C10orf90: variants seen among roughly 807,000 people sequenced by gnomAD.
C10orf90 encodes chromosome 10 open reading frame 90, also known as (E2-independent) E3 ubiquitin-conjugating enzyme FATS.
A neutral mutation model predicts 62.5 loss-of-function variants in C10orf90; 56 were observed. The observed-to-expected ratio is 0.90, with a 90% CI of 0.72 to 1.12. C10orf90 has a LOEUF of 1.12. Among genes scored for constraint, C10orf90 ranks in the 50% most tolerant of loss-of-function variants. The pLI, the probability that C10orf90 is intolerant of heterozygous loss-of-function variation, is 0.00. For missense variants in C10orf90, 970 were observed against 880.4 expected, an observed-to-expected ratio of 1.10 and a Z score of -1.29; for synonymous variants, 386 against 340.4, an observed-to-expected ratio of 1.13 and a Z score of -1.47.
At chr10:126,537,597 T>C (rs1397146063) in intron 2 of C10orf90, among the ~76,000 whole-genome samples, 1 of 152,158 alleles carries the variant, frequency 6.6e-6, no homozygotes, top group Non-Finnish European at 1.5e-5. Flanking sequence ...GATCCTTGGA[T>C]TTCTCACCAC....
At chr10:126,636,218 G>A (rs1845947934) in intron 2 of C10orf90, among the ~76,000 whole-genome samples, 1 of 152,110 alleles carries the variant, frequency 6.6e-6, no homozygotes, top group Admixed American at 6.5e-5. Context: ...AGAGATCATC[G>A]GCCCTAATTT....
At chr10:126,606,513 C>G (rs938577620) in intron 2 of C10orf90, among the ~76,000 whole-genome samples, 6 of 152,140 alleles carry the variant, frequency 3.9e-5, no homozygotes, top group Non-Finnish European at 7.3e-5. Context: ...GGTGTGGGCT[C>G]TCCAACACTG....
At chr10:126,608,532 G>C (rs1456892493) in intron 2 of C10orf90, among the ~76,000 whole-genome samples, 1 of 152,182 alleles carries the variant, frequency 6.6e-6, no homozygotes, top group Non-Finnish European at 1.5e-5. Context: ...TTTTGGTGTA[G>C]TATCAAGGAA....
chr10:126,592,068 A>G (rs1427550336), intron 2 of C10orf90, among the ~76,000 whole-genome samples: 1 of 152,224 alleles, frequency 6.6e-6, no homozygotes, highest in Non-Finnish European at 1.5e-5. Context: ...AAATGGAAAA[A>G]CATTCCATGC....
chr10:126,589,878 G>A (rs956628011), intron 2 of C10orf90, among the ~76,000 whole-genome samples: 6 of 152,194 alleles, frequency 3.9e-5, no homozygotes, highest in Middle Eastern at 3.4e-3. Flanking sequence ...GTAAATGGGC[G>A]AAATGCTCCA....
chr10:126,634,703 A>G (rs145850868), intron 2 of C10orf90, among the ~76,000 whole-genome samples: 9 of 152,322 alleles, frequency 5.9e-5, no homozygotes, highest in African/African-American at 2.2e-4. Flanking sequence ...TCATAAAAAC[A>G]ATGCAAGGTA....
chr10:126,612,448 T>TA (rs1206657551), intron 2 of C10orf90, among the ~76,000 whole-genome samples: 2 of 152,102 alleles, frequency 1.3e-5, no homozygotes, highest in Non-Finnish European at 2.9e-5. Flanking sequence ...GGAGGAAAGA[T>TA]AAAAGGCCCT....
At chr10:126,451,037 C>T (rs963494463) in intron 7 of C10orf90, among the ~76,000 whole-genome samples, 1 of 151,650 alleles carries the variant, frequency 6.6e-6, no homozygotes, top group African/African-American at 2.4e-5. Context: ...GGCAAAGTAC[C>T]TGAGTAGAGA....
At chr10:126,580,034 A>G (rs1461795010) in intron 2 of C10orf90, among the ~76,000 whole-genome samples, 1 of 152,168 alleles carries the variant, frequency 6.6e-6, no homozygotes, top group African/African-American at 2.4e-5. Flanking sequence ...TATTGGTGCT[A>G]TGAGAACTCA....
chr10:126,520,443 C>T (rs1294029924), intron 2 of C10orf90: 2 of 152,312 alleles, frequency 1.3e-5, no homozygotes, highest in Admixed American at 6.5e-5. Context: ...TTAAACCCAG[C>T]CTGCTTCCCA....
chr10:126,490,023 T>C lies in C10orf90; in HGVS notation c.1534+13934A>G, dbSNP rs1460414107. On this transcript the variant is annotated intron_variant, in intron 4 of 9. Coordinates refer to ENST00000488181, the MANE Select transcript of C10orf90 (RefSeq NM_001350921.2). ...TATATATTATATATATTATATATAA[T>C]ATATAATATATAATATATATTATAT... Among the ~76,000 whole-genome samples the C allele has an allele frequency of 4.3e-5, 4 of 93,500 alleles. No individual in the cohort carries two copies. The East Asian group carries it at 8.1e-4, about 19-fold the overall frequency. The allele number at this position is 93,500 out of a possible 152,430, so 61.3% of individuals were successfully genotyped here.
chr10:126,665,389 C>T (rs1327392185), intron 1 of C10orf90, among the ~76,000 whole-genome samples: 1 of 152,220 alleles, frequency 6.6e-6, no homozygotes, highest in Non-Finnish European at 1.5e-5. Flanking sequence ...CCTGTTTGGT[C>T]TCAGTGACCT....
Position 126,461,353 on chromosome 10 carries a change from ATC to A in C10orf90, c.2010+46_2010+47del, listed in dbSNP as rs772230392. On this transcript the variant is annotated intron_variant, in intron 6 of 9. Coordinates refer to ENST00000488181, the MANE Select transcript of C10orf90 (RefSeq NM_001350921.2). ...TGTGTGCTCACGGACTCCCTAGGAA[ATC>A]TCTCCCTTTGGCAGGAATCAAGCCA... 3.6e-5 allele frequency: 58 copies of A among 1,600,692 alleles called. 3 individuals carry two copies. The South Asian group carries it at 6.1e-4, about 17-fold the overall frequency.
chr10:126,623,461 C>T (rs2804433), intron 2 of C10orf90, among the ~76,000 whole-genome samples: 78,351 of 151,854 alleles, frequency 0.52, 20,772 homozygotes, highest in Middle Eastern at 0.65. Flanking sequence ...TCCTTTCTAC[C>T]CTCTCACATC....
chr10:126,429,745 C>G (rs372328461), intron 8 of C10orf90, 42 bp downstream of exon 8: 23 of 1,573,686 alleles, frequency 1.5e-5, no homozygotes, highest in Non-Finnish European at 2.0e-5. Context: ...CCACCCTACT[C>G]CCCCCACCAA....
intron 7 of C10orf90, among the ~76,000 whole-genome samples, chr10:126,433,061 C>T (rs1857685767): frequency 6.6e-6 from 1 of 152,036 alleles, no homozygotes. Flanking sequence ...CAATTGCAGC[C>T]AGGTGGGGAA....
intron 2 of C10orf90, among the ~76,000 whole-genome samples, chr10:126,574,246 A>G (rs566247077): frequency 6.6e-6 from 1 of 152,334 alleles, no homozygotes; most frequent in Non-Finnish European, 1.5e-5. Context: ...AAATTGGCAG[A>G]AATATATTGA....
chr10:126,622,012 C>G (rs888493308), intron 2 of C10orf90, among the ~76,000 whole-genome samples: 10 of 152,184 alleles, frequency 6.6e-5, no homozygotes, highest in South Asian at 6.2e-4. Context: ...TAGCAAGCAT[C>G]GTCCTGGCCT....
At chr10:126,470,577 A>ACAAACAAAC (rs1860529745) in intron 4 of C10orf90, among the ~76,000 whole-genome samples, 1 of 149,912 alleles carries the variant, frequency 6.7e-6, no homozygotes, top group African/African-American at 2.5e-5. Flanking sequence ...TAAAAACTAA[A>ACAAACAAAC]AAACAAACAA....
Sources: gnomAD v4.1 joint callset for allele counts (sites outside exome capture counted in the v4.1 genomes callset) on GRCh38, gnomAD v4.1.1 for gene constraint, MANE v1.5 for transcripts, NCBI Gene and HGNC (gene_info 2026-07-23, HGNC 2026-07-21) for gene names.